The following ZHX3 variants were observed in gnomAD, a reference collection of about 807,000 sequenced individuals.
The protein encoded by ZHX3 is zinc fingers and homeoboxes 3, also known as zinc fingers and homeoboxes protein 3.
A neutral mutation model predicts 64.5 loss-of-function variants in ZHX3; 20 were observed. The observed-to-expected ratio is 0.31, with a 90% CI of 0.22 to 0.45. ZHX3 has a LOEUF of 0.45. Ranked by LOEUF, ZHX3 falls within the 20% of genes least tolerant of loss-of-function variation. The pLI, the probability that ZHX3 is intolerant of heterozygous loss-of-function variation, is 1.00. For missense variants in ZHX3, 1,041 were observed against 1,195.8 expected (o/e 0.87, Z 1.91); for synonymous variants, 423 against 461.6 (o/e 0.92, Z 1.07).
chr20:41,267,204 A>G (rs1055393979), intron 2 of ZHX3, among the ~76,000 whole-genome samples: 2 of 152,044 alleles, frequency 1.3e-5, no homozygotes, highest in East Asian at 1.9e-4. Flanking sequence ...TTAATATTTT[A>G]TGTCTTTTTT....
At chr20:41,283,655 G>C (rs2043799801) in intron 1 of ZHX3, among the ~76,000 whole-genome samples, 1 of 152,152 alleles carries the variant, frequency 6.6e-6, no homozygotes, top group Non-Finnish European at 1.5e-5. Flanking sequence ...TACTCAGGAG[G>C]CTGAGGCAGT....
intron 2 of ZHX3, among the ~76,000 whole-genome samples, chr20:41,229,383 G>C (rs989532404): frequency 6.6e-6 from 1 of 152,010 alleles, no homozygotes; most frequent in Non-Finnish European, 1.5e-5. Context: ...CAATCTCTTT[G>C]AGTCCCTACT....
chr20:41,221,534 T>C (rs1427512680), intron 2 of ZHX3, among the ~76,000 whole-genome samples: 2 of 152,216 alleles, frequency 1.3e-5, no homozygotes, highest in Non-Finnish European at 2.9e-5. Context: ...GATAGAAATC[T>C]CTGCCTTCCT....
chr20:41,225,611 C>T (rs2040216716), intron 2 of ZHX3, among the ~76,000 whole-genome samples: 1 of 152,174 alleles, frequency 6.6e-6, no homozygotes, highest in African/African-American at 2.4e-5. Flanking sequence ...CCTCAGCCTC[C>T]TGAGTAGCTG....
chr20:41,314,458 T>G (rs1437883567), intron 1 of ZHX3, among the ~76,000 whole-genome samples: 2 of 152,238 alleles, frequency 1.3e-5, no homozygotes, highest in African/African-American at 4.8e-5. Context: ...TAATTATATC[T>G]CTGGGTATCT....
At chr20:41,271,336 A>G (rs1369179106) in intron 1 of ZHX3, among the ~76,000 whole-genome samples, 1 of 152,176 alleles carries the variant, frequency 6.6e-6, no homozygotes, top group Non-Finnish European at 1.5e-5. Context: ...TTTTTTTTAG[A>G]AAAATAGCCA....
chr20:41,204,884 G>A lies in ZHX3; in HGVS notation c.33C>T (p.Cys11=). Residue 11 remains cysteine (C), a synonymous_variant, in exon 3 of 4, where the codon TGC becomes TGT. Coordinates refer to ENST00000683867, the MANE Select transcript of ZHX3 (RefSeq NM_001384317.1). This position sits in a 1 kb window ranked among gnomAD's most constrained non-coding sequence, Gnocchi z 6.6. ...ACACCACAGTCTTCACTGGGATCAT[G>A]CATGGTGTGGTGGATTTCCTCTTGC... MASKRKSTTP[C]MIPVKTVVLQ... 1 of 1,549,572 alleles carries A rather than the reference G, an allele frequency of 6.5e-7. No homozygotes were observed. Among genetic ancestry groups the A allele is most frequent in the Non-Finnish European group, 8.7e-7 (1 of 1,148,824 alleles).
intron 2 of ZHX3, among the ~76,000 whole-genome samples, chr20:41,250,048 C>A (rs914719555): frequency 1.3e-5 from 2 of 152,098 alleles, no homozygotes; most frequent in Non-Finnish European, 2.9e-5. Context: ...TCTGGGGAAA[C>A]ACTTTTCCCC....
At chr20:41,248,837 G>T (rs889585045) in intron 2 of ZHX3, among the ~76,000 whole-genome samples, 1 of 152,140 alleles carries the variant, frequency 6.6e-6, no homozygotes, top group Non-Finnish European at 1.5e-5. Flanking sequence ...GCAGGAATTG[G>T]CTGGGTTCTA....
At chr20:41,313,010 T>G (rs1238403950) in intron 1 of ZHX3, among the ~76,000 whole-genome samples, 1 of 151,680 alleles carries the variant, frequency 6.6e-6, no homozygotes, top group Admixed American at 6.6e-5. Flanking sequence ...GTAGGTGAAT[T>G]AGGAAGATGG....
chr20:41,311,653 C>T (rs1355267941), intron 1 of ZHX3, among the ~76,000 whole-genome samples: 1 of 152,202 alleles, frequency 6.6e-6, no homozygotes, highest in African/African-American at 2.4e-5. Context: ...TCTAAAGTCA[C>T]ATCACATAGA....
rs1177975662 is a variant in ZHX3 at position 41,201,634 on chromosome 20, A to G, written c.2860+423T>C. On this transcript the variant is annotated intron_variant, in intron 3 of 3. Transcript: ENST00000683867. The surrounding 1 kb of genome is among the most constrained non-coding windows in gnomAD (Gnocchi z 5.0). The stretch of plus-strand genomic sequence containing the variant: ...ATCATCAGAAAAAAGCACATTATGT[A>G]TCTAAGGACAATTAAAGGCTCTCTT... Among the ~76,000 whole-genome samples, 1 of 152,236 alleles carries G rather than the reference A, an allele frequency of 6.6e-6. No homozygotes were observed. The highest frequency in any genetic ancestry group is 1.5e-5 in the Non-Finnish European group (1 of 68,044).
At chr20:41,260,503 C>A (rs1192907461) in intron 2 of ZHX3, among the ~76,000 whole-genome samples, 4 of 152,160 alleles carry the variant, frequency 2.6e-5, no homozygotes, top group Admixed American at 2.6e-4. Context: ...TAAAATTGTT[C>A]TTTGTTGAAC....
chr20:41,317,281 CG>C, intron 1 of ZHX3: 1 of 152,262 alleles, frequency 6.6e-6, no homozygotes, highest in Non-Finnish European at 1.5e-5. Flanking sequence ...GGCGGGGCTC[CG>C]GGGGGAAGGG....
In ZHX3 at chr20:41,219,274, C is replaced by G. The variant is rs994639746; in HGVS notation, c.-150-14208G>C. On this transcript the variant is annotated intron_variant, in intron 2 of 3. Transcript: ENST00000683867. The surrounding 1 kb of genome is among the most constrained non-coding windows in gnomAD (Gnocchi z 5.0). ...TTGTCTAATCACCAACAGAAATAGC[C>G]CACTCTAGTCAGATATTATCACCTC... is the stretch of plus-strand genomic sequence containing the variant. Among the ~76,000 whole-genome samples the G allele has an allele frequency of 1.0e-3, 156 of 152,198 alleles. No individual in the cohort carries two copies. Among genetic ancestry groups the G allele is most frequent in the African/African-American group, 3.5e-3 (147 of 41,516 alleles).
chr20:41,277,484 A>T (rs1192878794), intron 1 of ZHX3, among the ~76,000 whole-genome samples: 2 of 152,204 alleles, frequency 1.3e-5, no homozygotes, highest in African/African-American at 2.4e-5. Flanking sequence ...ACAAACATAA[A>T]TCTCTTCAAA....
chr20:41,266,497 C>T (rs1480740550), intron 2 of ZHX3, among the ~76,000 whole-genome samples: 1 of 152,010 alleles, frequency 6.6e-6, no homozygotes, highest in African/African-American at 2.4e-5. Flanking sequence ...TCTTTCAGGT[C>T]ACCTCTCACC....
chr20:41,193,243 G>C (rs1487387830), intron 3 of ZHX3, among the ~76,000 whole-genome samples: 1 of 152,144 alleles, frequency 6.6e-6, no homozygotes, highest in Non-Finnish European at 1.5e-5. Flanking sequence ...TGACTCTGTA[G>C]TTTGCTTTGG....
intron 2 of ZHX3, among the ~76,000 whole-genome samples, chr20:41,265,170 C>T (rs2053981539): frequency 6.6e-6 from 1 of 151,584 alleles, no homozygotes; most frequent in African/African-American, 2.4e-5. Flanking sequence ...ACTTATAAAA[C>T]CCAAAGGAAT....
Sources: gnomAD v4.1 joint callset for allele counts (sites outside exome capture counted in the v4.1 genomes callset) on GRCh38, gnomAD v4.1.1 for gene constraint, Gnocchi (gnomAD v3.1) non-coding constraint, MANE v1.5 for transcripts, NCBI Gene and HGNC (gene_info 2026-07-23, HGNC 2026-07-21) for gene names.